The following CRB1 variants were observed in gnomAD, a reference collection of about 807,000 sequenced individuals.
CRB1 encodes crumbs cell polarity complex component 1, also known as protein crumbs homolog 1.
Under a neutral mutation model 120.0 loss-of-function variants are expected in CRB1, and 83 were observed. The observed-to-expected ratio is 0.69, with a 90% CI of 0.58 to 0.83. The LOEUF is 0.83. Ranked by LOEUF, CRB1 falls within the 40% of genes least tolerant of loss-of-function variation. The pLI is 0.00. For missense variants in CRB1, 1,699 were observed against 1,687.6 expected, an observed-to-expected ratio of 1.01 and a Z score of -0.12; for synonymous variants, 625 against 612.5, an observed-to-expected ratio of 1.02 and a Z score of -0.30.
intron 11 of CRB1, among the ~76,000 whole-genome samples, chr1:197,454,869 C>G (rs1666200331): frequency 6.6e-6 from 1 of 152,164 alleles, no homozygotes; most frequent in Non-Finnish European, 1.5e-5. Flanking sequence ...AGGCAAAGCT[C>G]TGAGCTAGGC....
At chr1:197,262,853 C>T in the CRB1 span, among the ~76,000 whole-genome samples, 78 of 152,200 alleles carry the variant, frequency 5.1e-4, no homozygotes, top group Middle Eastern at 0.014. Flanking sequence ...TTGCAAAGGA[C>T]GCGATTTTGT....
At chr1:197,361,293 T>C (rs1348093607) in intron 5 of CRB1, among the ~76,000 whole-genome samples, 5 of 152,102 alleles carry the variant, frequency 3.3e-5, no homozygotes, top group Admixed American at 6.5e-5. Flanking sequence ...ATTTTCTATT[T>C]TCTGGAAGAG....
intron 11 of CRB1, among the ~76,000 whole-genome samples, chr1:197,469,454 A>T (rs997566294): frequency 3.9e-5 from 6 of 152,144 alleles, no homozygotes; most frequent in Non-Finnish European, 7.3e-5. Context: ...GAGAGAAATT[A>T]GAACAGAATT....
intron 11 of CRB1, among the ~76,000 whole-genome samples, chr1:197,455,843 A>G (rs983395070): frequency 1.3e-5 from 2 of 152,130 alleles, no homozygotes; most frequent in African/African-American, 4.8e-5. Flanking sequence ...TTTTCTCACA[A>G]TTGTAATTAC....
In CRB1 at chr1:197,442,234, T is replaced by G. The variant is rs1665482450; in HGVS notation, c.3947T>G (p.Leu1316Arg). The change falls in exon 11 of 12, where the codon CTC becomes CGC. Residue 1316 changes from leucine (L) to arginine (R), a missense_variant. Coordinates refer to ENST00000367400, the MANE Select transcript of CRB1 (RefSeq NM_201253.3). ...CVNGGLCQDLLNKFQCLCDVA... is the reference protein window; with the variant it reads ...CVNGGLCQDLRNKFQCLCDVA... ...AATGGAGGTCTGTGCCAGGACTTAC[T>G]CAACAAATTCCAGTGCCTCTGTGAT... The G allele has an allele frequency of 6.2e-7, 1 of 1,614,070 alleles. No individual in the cohort carries two copies. Among genetic ancestry groups the G allele is most frequent in the Admixed American group, 1.7e-5 (1 of 60,006 alleles).
intron 6 of CRB1, among the ~76,000 whole-genome samples, chr1:197,422,361 A>T (rs1367461636): frequency 6.6e-6 from 1 of 152,118 alleles, no homozygotes; most frequent in Non-Finnish European, 1.5e-5. Context: ...ACATACTAGC[A>T]TGATATCTTG....
chr1:197,245,916 T>C, the CRB1 span, among the ~76,000 whole-genome samples: 13 of 152,220 alleles, frequency 8.5e-5, no homozygotes, highest in African/African-American at 3.1e-4. Flanking sequence ...TGCTCCCATG[T>C]GCCTTCCACT....
At chr1:197,318,238 A>G (rs1657970682) in intron 1 of CRB1, among the ~76,000 whole-genome samples, 1 of 151,944 alleles carries the variant, frequency 6.6e-6, no homozygotes, top group Admixed American at 6.6e-5. Context: ...ATAAATGAAA[A>G]AGAAGATGTT....
intron 5 of CRB1, among the ~76,000 whole-genome samples, chr1:197,410,663 C>T (rs1328014943): frequency 6.6e-6 from 1 of 152,192 alleles, no homozygotes; most frequent in African/African-American, 2.4e-5. Context: ...AATGTCAACT[C>T]TTATATTCAG....
At chr1:197,232,967 G>T in the CRB1 span, among the ~76,000 whole-genome samples, 3 of 151,878 alleles carry the variant, frequency 2.0e-5, no homozygotes, top group African/African-American at 7.3e-5. Context: ...TGGTTCCAAA[G>T]ATATACTTCG....
the CRB1 span, among the ~76,000 whole-genome samples, chr1:197,240,273 G>A: frequency 6.6e-6 from 1 of 151,962 alleles, no homozygotes. Context: ...GAACGTGCAG[G>A]TTTCCTACGT....
intron 1 of CRB1, among the ~76,000 whole-genome samples, chr1:197,317,561 C>T (rs975744897): frequency 8.6e-5 from 13 of 152,038 alleles, no homozygotes; most frequent in East Asian, 3.9e-4. Flanking sequence ...AAAAATAACA[C>T]GGTTGGATAC....
chr1:197,358,988 A>C (rs1660632430), intron 5 of CRB1, among the ~76,000 whole-genome samples: 1 of 152,170 alleles, frequency 6.6e-6, no homozygotes, highest in African/African-American at 2.4e-5. Flanking sequence ...CCTGCCTACT[A>C]TGTCACATAT....
intron 1 of CRB1, among the ~76,000 whole-genome samples, chr1:197,268,853 G>A (rs1277146443): frequency 6.6e-6 from 1 of 152,132 alleles, no homozygotes; most frequent in East Asian, 1.9e-4. Flanking sequence ...TTCATAACCT[G>A]TATTTCATTT....
intron 1 of CRB1, among the ~76,000 whole-genome samples, chr1:197,299,069 C>T (rs1656713489): frequency 6.6e-6 from 1 of 151,640 alleles, no homozygotes; most frequent in African/African-American, 2.4e-5. Context: ...AAAAAATCAA[C>T]AAACTGGGAG....
At position 197,384,533 on chromosome 1, in the gene CRB1, G is replaced by A. The variant is rs555474113; in HGVS notation, c.1171+27520G>A. On this transcript the variant is annotated intron_variant, in intron 5 of 11. Transcript: ENST00000367400. ...CTGAGAGCATATTATCCTGAGATGG[G>A]AGCTGCATCTTAAATGTATTTTCGA... Among the ~76,000 whole-genome samples the A allele has an allele frequency of 1.1e-3, 169 of 152,234 alleles. 1 individual carries two copies. Among genetic ancestry groups the A allele is most frequent in the Middle Eastern group, 3.4e-3 (1 of 294 alleles).
At chr1:197,379,298 C>A (rs1056965301) in intron 5 of CRB1, among the ~76,000 whole-genome samples, 10 of 151,856 alleles carry the variant, frequency 6.6e-5, no homozygotes, top group African/African-American at 2.4e-4. Flanking sequence ...TTTTTCTTTT[C>A]TTTTCTTTCC....
At chr1:197,288,687 C>T (rs1558031506) in intron 1 of CRB1, among the ~76,000 whole-genome samples, 2 of 151,136 alleles carry the variant, frequency 1.3e-5, no homozygotes, top group East Asian at 2.0e-4. Context: ...AGGTATAAGA[C>T]GAAAAGTACG....
At chr1:197,254,990 T>C in the CRB1 span, among the ~76,000 whole-genome samples, 1 of 152,050 alleles carries the variant, frequency 6.6e-6, no homozygotes, top group Admixed American at 6.6e-5. Flanking sequence ...TTGTTGTTGT[T>C]AAATTTAAAA....
Sources: gnomAD v4.1 joint callset for allele counts (sites outside exome capture counted in the v4.1 genomes callset) on GRCh38, gnomAD v4.1.1 for gene constraint, MANE v1.5 for transcripts, NCBI Gene and HGNC (gene_info 2026-07-23, HGNC 2026-07-21) for gene names.